Variants in MYO5A observed in about 807,000 individuals in gnomAD.
MYO5A encodes myosin VA.
A neutral mutation model predicts 249.7 loss-of-function variants in MYO5A; 98 were observed. The observed-to-expected ratio is 0.39, with a 90% confidence interval of 0.33 to 0.46. MYO5A has a LOEUF of 0.46. Ranked by LOEUF, MYO5A falls within the 20% of genes least tolerant of loss-of-function variation. The pLI, the probability that MYO5A is intolerant of heterozygous loss-of-function variation, is 0.98. For missense variants in MYO5A, 1,696 were observed against 2,308.8 expected (o/e 0.73, Z 5.44); for synonymous variants, 778 against 810.6 (o/e 0.96, Z 0.68).
chr15:52,451,740 G>A (rs75706384), intron 1 of MYO5A, among the ~76,000 whole-genome samples: 1 of 152,240 alleles, frequency 6.6e-6, no homozygotes, highest in East Asian at 1.9e-4. Context: ...TAGTTCACTT[G>A]TTTTCTGACT....
chr15:52,409,058 G>A (rs909122619), intron 6 of MYO5A, among the ~76,000 whole-genome samples: 1 of 152,032 alleles, frequency 6.6e-6, no homozygotes, highest in Non-Finnish European at 1.5e-5. Context: ...TTTTCTGATT[G>A]TGTGACTCAT....
intron 1 of MYO5A, among the ~76,000 whole-genome samples, chr15:52,473,115 GT>G (rs1366992296): frequency 6.6e-6 from 1 of 152,102 alleles, no homozygotes. Context: ...TCTCATTGTG[GT>G]TTTGATTTGC....
At chr15:52,474,024 G>A (rs541317179) in intron 1 of MYO5A, among the ~76,000 whole-genome samples, 58 of 152,224 alleles carry the variant, frequency 3.8e-4, no homozygotes, top group Non-Finnish European at 7.1e-4. Context: ...CTATCCATGA[G>A]CATGGAATGT....
At chr15:52,323,211 ACAT>A (rs2038417413) in intron 37 of MYO5A, 141 bp downstream of exon 37, 1 of 675,148 alleles carries the variant, frequency 1.5e-6, no homozygotes, top group Non-Finnish European at 2.7e-6. Flanking sequence ...TAGATAGTGA[ACAT>A]CAAACAAAGC....
intron 1 of MYO5A, among the ~76,000 whole-genome samples, chr15:52,519,789 G>A (rs954313866): frequency 2.0e-5 from 3 of 151,404 alleles, no homozygotes; most frequent in East Asian, 1.9e-4. Flanking sequence ...GGAGTGCACC[G>A]GCACGATCTC....
At position 52,519,632 on chromosome 15, in the gene MYO5A, A is replaced by G. The variant is rs902015324; in HGVS notation, c.27+9148T>C. 7.3e-4 allele frequency among the ~76,000 whole-genome samples: 111 copies of G among 151,722 alleles called. 1 individual carries two copies. Among genetic ancestry groups the G allele is most frequent in the Middle Eastern group, 3.4e-3 (1 of 294 alleles). ...GTCTAAAAAAAATAATAATAATAAT[A>G]ATAATAATAATACATGAAAAATCAA... On this transcript the variant is annotated intron_variant, in intron 1 of 41. Coordinates refer to ENST00000399233, the MANE Select transcript of MYO5A (RefSeq NM_001382347.1).
At chr15:52,376,961 C>T (rs1238194189) in intron 18 of MYO5A, among the ~76,000 whole-genome samples, 1 of 152,150 alleles carries the variant, frequency 6.6e-6, no homozygotes, top group African/African-American at 2.4e-5. Flanking sequence ...GGGACAAAAA[C>T]ACCAGTGTGA....
rs199876666 is a variant in MYO5A at position 52,379,863 on chromosome 15, G to A, written c.2058C>T (p.Val686=). The A allele has an allele frequency of 3.7e-6, 6 of 1,614,166 alleles. No individual in the cohort carries two copies. The Admixed American group carries it at 6.7e-5, about 18-fold the overall frequency. The change falls in exon 17 of 42, where the codon GTC becomes GTT. Residue 686 remains valine, a synonymous_variant. Transcript: ENST00000399233. ...CCGCACTGATTCGGATGGTTTCCAG[G>A]ACACCACATGCTCTCAGCTGCTGCA... ...RAVQQLRACG[V]LETIRISAAG...
chr15:52,343,176 A>G lies in MYO5A; in HGVS notation c.3981T>C (p.His1327=). Residue 1327 remains histidine (H), a synonymous_variant, in exon 31 of 42, where the codon CAT becomes CAC. Coordinates refer to ENST00000399233, the MANE Select transcript of MYO5A (RefSeq NM_001382347.1). ...ETNRSSALDY[H]ELNEDGELWL... is the part of the protein sequence containing the mutation. ...ACAGCTCTCCATCCTCATTCAACTC[A>G]TGGTAATCCAGAGCAGATGATCTTC... 1.2e-6 allele frequency: 2 copies of G among 1,613,888 alleles called. No individual in the cohort carries two copies. Among genetic ancestry groups the G allele is most frequent in the Non-Finnish European group, 1.7e-6 (2 of 1,179,722 alleles).
At chr15:52,486,960 ATGAG>A (rs777602147) in intron 1 of MYO5A, among the ~76,000 whole-genome samples, 19 of 152,238 alleles carry the variant, frequency 1.2e-4, no homozygotes, top group African/African-American at 4.6e-4. Flanking sequence ...TAAGAAAAGA[ATGAG>A]TATTTGTGTT....
intron 8 of MYO5A, 47 bp from the exon 9 acceptor site, chr15:52,405,440 A>C (rs761651585): frequency 7.2e-7 from 1 of 1,384,938 alleles, no homozygotes; most frequent in Non-Finnish European, 1.0e-6. Flanking sequence ...CAGAATAGAA[A>C]CTAAACAATT....
Position 52,314,141 on chromosome 15 carries a change from C to T in MYO5A, c.5472G>A (p.Ser1824=), listed in dbSNP as rs376447553. ...VNEFEERVSV[S]FIRTIQMRLR... ...CTCTTACCTGTATAGTACGAATGAA[C>T]GACACAGAGACTCTTTCTTCAAACT... is the stretch of plus-strand genomic sequence containing the variant. The change falls in exon 41 of 42, where the codon TCG becomes TCA. Residue 1824 remains serine (S), a synonymous_variant. Coordinates refer to ENST00000399233, the MANE Select transcript of MYO5A (RefSeq NM_001382347.1). 1.4e-5 allele frequency: 23 copies of T among 1,609,930 alleles called. No individual in the cohort carries two copies. The highest frequency in any genetic ancestry group is 1.1e-4 in the East Asian group (5 of 44,868).
Position 52,461,364 on chromosome 15 carries a change from A to G in MYO5A, c.28-28079T>C, listed in dbSNP as rs114084369. 2.2e-3 allele frequency among the ~76,000 whole-genome samples: 338 copies of G among 152,312 alleles called. 1 individual carries two copies. The highest frequency in any genetic ancestry group is 7.8e-3 in the African/African-American group (323 of 41,564). ...AATTTTTTACAGCAAACATTGCCTG[A>G]TGTTTTTGCAATTATTAATAAACAA... On this transcript the variant is annotated intron_variant, in intron 1 of 41. Transcript: ENST00000399233.
chr15:52,486,231 C>T (rs2076817939), intron 1 of MYO5A, among the ~76,000 whole-genome samples: 1 of 152,146 alleles, frequency 6.6e-6, no homozygotes, highest in Admixed American at 6.6e-5. Context: ...GCGTCTCTTC[C>T]TGATCCATGT....
intron 1 of MYO5A, among the ~76,000 whole-genome samples, chr15:52,521,587 T>C (rs1173295666): frequency 1.3e-5 from 2 of 152,236 alleles, no homozygotes; most frequent in South Asian, 2.1e-4. Context: ...TAGTGCATTA[T>C]GTACAATGCA....
chr15:52,450,720 C>T (rs1204686840), intron 1 of MYO5A, among the ~76,000 whole-genome samples: 1 of 151,256 alleles, frequency 6.6e-6, no homozygotes, highest in Non-Finnish European at 1.5e-5. Context: ...CCAGGCTGGT[C>T]GTGAACTCCT....
chr15:52,423,617 C>T (rs531098522), intron 4 of MYO5A, among the ~76,000 whole-genome samples: 2 of 151,576 alleles, frequency 1.3e-5, no homozygotes, highest in East Asian at 1.9e-4. Flanking sequence ...GACTGTAAGC[C>T]TGAATAGATA....
At chr15:52,460,268 C>T (rs897061736) in intron 1 of MYO5A, among the ~76,000 whole-genome samples, 6 of 152,236 alleles carry the variant, frequency 3.9e-5, no homozygotes, top group African/African-American at 1.4e-4. Flanking sequence ...AGGCTGCAAT[C>T]TTGGCACTTT....
At chr15:52,527,230 ATTTC>A (rs751718388) in intron 1 of MYO5A, among the ~76,000 whole-genome samples, 3 of 152,162 alleles carry the variant, frequency 2.0e-5, no homozygotes, top group Admixed American at 1.3e-4. Context: ...TGATTTTGAT[ATTTC>A]TTAATATCGA....
Sources: allele counts gnomAD v4.1 joint callset (sites outside exome capture counted in the v4.1 genomes callset), GRCh38; gene constraint gnomAD v4.1.1; transcripts MANE v1.5; gene names NCBI Gene and HGNC (gene_info 2026-07-23, HGNC 2026-07-21).